The following GLB1L2 variants were observed in gnomAD, a reference collection of about 807,000 sequenced individuals.
GLB1L2 encodes the protein galactosidase beta 1 like 2.
A neutral mutation model predicts 84.1 loss-of-function variants in GLB1L2; 68 were observed. The observed-to-expected ratio is 0.81, with a 90% confidence interval of 0.67 to 0.99. GLB1L2 has a LOEUF of 0.99. Among genes scored for constraint, GLB1L2 ranks in the 50% least tolerant of loss-of-function variants. The pLI is 0.00. For synonymous variants in GLB1L2, 290 were observed against 318.0 expected, an observed-to-expected ratio of 0.91 and a Z score of 0.94; for missense variants, 762 against 805.6, an observed-to-expected ratio of 0.95 and a Z score of 0.66.
chr11:134,342,558 C>T (rs931410563), intron 1 of GLB1L2, among the ~76,000 whole-genome samples, 196 bp from the exon 2 acceptor site: 3 of 152,218 alleles, frequency 2.0e-5, no homozygotes, highest in African/African-American at 4.8e-5. Context: ...CCTCGGCCTG[C>T]CCTTCCCCTG....
intron 1 of GLB1L2, among the ~76,000 whole-genome samples, chr11:134,342,168 G>T: frequency 6.6e-6 from 1 of 152,166 alleles, no homozygotes; most frequent in East Asian, 1.9e-4. Flanking sequence ...GCCGAGAGGC[G>T]CTTTCTCGCG....
Position 134,332,161 on chromosome 11 carries a change from TCG to T in GLB1L2, c.86+18_86+19del. On this transcript the variant is annotated intron_variant, in intron 1 of 18. Transcript: ENST00000535456. ...GGTGCTCCGCAGGTGAGAGAGAGCT[TCG>T]CGCAGCACCTGCCGGACCCCACATT... 1 of 1,525,228 alleles carries T rather than the reference TCG, an allele frequency of 6.6e-7. No homozygotes were observed. The highest frequency in any genetic ancestry group is 8.9e-7 in the Non-Finnish European group (1 of 1,129,110). 94.5% of individuals were successfully genotyped at this position (1,525,228 alleles called of 1,614,324 possible).
In GLB1L2 at chr11:134,334,218, G is replaced by C. The variant is rs1001669190; in HGVS notation, c.86+2071G>C. Among the ~76,000 whole-genome samples, 1 of 152,160 alleles carries C rather than the reference G, an allele frequency of 6.6e-6. No homozygotes were observed. The highest frequency in any genetic ancestry group is 1.5e-5 in the Non-Finnish European group (1 of 68,026). On this transcript the variant is annotated intron_variant, in intron 1 of 18. Transcript: ENST00000535456. The surrounding 1 kb of genome is among the most constrained non-coding windows in gnomAD (Gnocchi z 4.1). ...TGGAATATAGGTCACGTGGAAACTGGCCACCAAGTTCACTCTTTGTGGAGC... is the reference window on the plus strand; with the variant it reads ...TGGAATATAGGTCACGTGGAAACTGCCCACCAAGTTCACTCTTTGTGGAGC...
intron 5 of GLB1L2, among the ~76,000 whole-genome samples, chr11:134,353,427 T>A (rs755228835): frequency 1.3e-4 from 20 of 151,994 alleles, no homozygotes; most frequent in Non-Finnish European, 2.8e-4. Context: ...AAAAGAAAAA[T>A]TTATTAAGGC....
intron 6 of GLB1L2, among the ~76,000 whole-genome samples, chr11:134,357,972 G>A (rs1943727396): frequency 6.6e-6 from 1 of 152,218 alleles, no homozygotes; most frequent in African/African-American, 2.4e-5. Context: ...GAATGATAGT[G>A]TGAGGTGGTA....
intron 2 of GLB1L2, among the ~76,000 whole-genome samples, chr11:134,343,802 C>G (rs776962185): frequency 6.6e-6 from 1 of 152,208 alleles, no homozygotes; most frequent in African/African-American, 2.4e-5. Context: ...GGAAGCCAGG[C>G]AGGCTCTCCT....
chr11:134,369,993 C>T (rs999635695), intron 11 of GLB1L2, 108 bp downstream of exon 11: 20 of 911,702 alleles, frequency 2.2e-5, no homozygotes, highest in Admixed American at 1.1e-4. Flanking sequence ...AGTTGATCTG[C>T]GTGCAAGAAT....
At chr11:134,344,111 G>A (rs1224496902) in intron 2 of GLB1L2, among the ~76,000 whole-genome samples, 2 of 152,136 alleles carry the variant, frequency 1.3e-5, no homozygotes, top group Admixed American at 6.5e-5. Context: ...TTCTCCAATG[G>A]GGCGTGGGCA....
At chr11:134,342,239 G>C (rs902946100) in intron 1 of GLB1L2, among the ~76,000 whole-genome samples, 4 of 152,266 alleles carry the variant, frequency 2.6e-5, no homozygotes, top group Admixed American at 1.3e-4. Context: ...CACCTCGTGG[G>C]GGGTGCGCGG....
Position 134,373,743 on chromosome 11 carries a change from G to A in GLB1L2, c.1530G>A (p.Leu510=). Residue 510 remains leucine (L), a synonymous_variant, in exon 16 of 19, where the codon CTG becomes CTA. Transcript: ENST00000535456. ...QRKGLIGNLY[L]NDSPLKNFRI... ...CAGGCTTAATTGGAAATCTCTATCT[G>A]AATGATTCACCCCTGAAAAACTTCA... 7 of 1,612,670 alleles carry A rather than the reference G, an allele frequency of 4.3e-6. No individual in the cohort carries two copies. Among genetic ancestry groups the A allele is most frequent in the Non-Finnish European group, 5.9e-6 (7 of 1,178,846 alleles).
At chr11:134,346,718 C>G (rs908270065) in intron 4 of GLB1L2, 3 of 152,694 alleles carry the variant, frequency 2.0e-5, no homozygotes, top group African/African-American at 7.2e-5. Context: ...AGCCCTGACT[C>G]CAGCTTTGGA....
rs769148385 is a variant in GLB1L2 at position 134,342,871 on chromosome 11, C to T, written c.204C>T (p.Ile68=). 1.2e-6 allele frequency: 2 copies of T among 1,614,066 alleles called. No individual in the cohort carries two copies. Among genetic ancestry groups the T allele is most frequent in the East Asian group, 2.2e-5 (1 of 44,870 alleles). ...CCTTCTGGATCTTCGGGGGCTCCAT[C>T]CACTATTTCCGTGTGCCCAGGGAGT... ...DSTFWIFGGS[I]HYFRVPREYW... Residue 68 remains isoleucine (I), a synonymous_variant, in exon 2 of 19, where the codon ATC becomes ATT. Coordinates refer to ENST00000535456, the MANE Select transcript of GLB1L2 (RefSeq NM_001370461.1).
At chr11:134,363,003 C>T (rs1033592828) in intron 7 of GLB1L2, among the ~76,000 whole-genome samples, 2 of 152,310 alleles carry the variant, frequency 1.3e-5, no homozygotes, top group South Asian at 4.1e-4. Flanking sequence ...GTCCACTCTC[C>T]GCTTGTATTT....
At chr11:134,360,383 G>A (rs367565833) in intron 7 of GLB1L2, 5 of 152,294 alleles carry the variant, frequency 3.3e-5, no homozygotes, top group African/African-American at 4.8e-5. Context: ...CCCAGACCTC[G>A]TGTCTCCGGC....
intron 9 of GLB1L2, 117 bp downstream of exon 9, chr11:134,367,458 G>A: frequency 1.3e-6 from 1 of 788,140 alleles, no homozygotes; most frequent in Non-Finnish European, 2.0e-6. Context: ...GGGATTATCT[G>A]TGTGCAGAAG....
chr11:134,370,429 G>A lies in GLB1L2; in HGVS notation c.1215+30G>A, dbSNP rs1041499683. Reference sequence around the variant, plus strand: ...GTGCTGTGGGCAGTCATCGGGAGGTGAGTGAGTGCCGGGGGCAGTCGTTGG... The same window carrying A: ...GTGCTGTGGGCAGTCATCGGGAGGTAAGTGAGTGCCGGGGGCAGTCGTTGG... On this transcript the variant is annotated intron_variant, in intron 12 of 18. Transcript: ENST00000535456. This position sits in a 1 kb window ranked among gnomAD's most constrained non-coding sequence, Gnocchi z 4.7. The A allele has an allele frequency of 1.9e-6, 3 of 1,558,010 alleles. No individual in the cohort carries two copies. Among genetic ancestry groups the A allele is most frequent in the African/African-American group, 1.4e-5 (1 of 73,746 alleles).
intron 14 of GLB1L2, 87 bp from the exon 15 acceptor site, chr11:134,371,665 C>T (rs775331835): frequency 3.5e-5 from 46 of 1,313,078 alleles, no homozygotes; most frequent in Admixed American, 1.2e-4. Flanking sequence ...ATCCCCAGAG[C>T]GTAGGGAAGA....
Position 134,364,341 on chromosome 11 carries a change from C to A in GLB1L2, c.747C>A (p.Ile249=). Residue 249 remains isoleucine, a synonymous_variant, in exon 8 of 19, where the codon ATC becomes ATA. Transcript: ENST00000535456. The part of the protein sequence containing the change: ...KGIVQGVLAT[I]NLQSTHELQL... ...TCCCTTTAACAGTCTTGGCCACCAT[C>A]AACTTGCAGTCAACACACGAGCTGC... The A allele has an allele frequency of 6.2e-7, 1 of 1,613,876 alleles. No homozygotes were observed.
chr11:134,342,450 G>GGCCCCA (rs1943479563), intron 1 of GLB1L2, among the ~76,000 whole-genome samples: 1 of 151,884 alleles, frequency 6.6e-6, no homozygotes, highest in South Asian at 2.1e-4. Flanking sequence ...GCCCCGCCCC[G>GGCCCCA]GCCCCAGCAG....
Sources: gnomAD v4.1 joint callset for allele counts (sites outside exome capture counted in the v4.1 genomes callset) on GRCh38, gnomAD v4.1.1 for gene constraint, Gnocchi (gnomAD v3.1) non-coding constraint, MANE v1.5 for transcripts, NCBI Gene and HGNC (gene_info 2026-07-23, HGNC 2026-07-21) for gene names.